Variants in ABR observed in about 807,000 individuals in gnomAD.
ABR encodes active breakpoint cluster region-related protein.
Under a neutral mutation model 107.2 loss-of-function variants are expected in ABR, and 35 were observed. That is an observed-to-expected ratio of 0.33 (90% CI 0.25 to 0.43). ABR has a LOEUF of 0.43. ABR is among the 20% of genes least tolerant of loss of function. The pLI is 1.00. For missense variants in ABR, 815 were observed against 1,115.2 expected (o/e 0.73, Z 3.83); for synonymous variants, 498 against 462.0 (o/e 1.08, Z -1.00).
At chr17:1,048,446 A>G (rs2031968473) in intron 16 of ABR, among the ~76,000 whole-genome samples, 1 of 152,270 alleles carries the variant, frequency 6.6e-6, no homozygotes, top group African/African-American at 2.4e-5. Context: ...GGTGGCCATG[A>G]CAATGCATCA....
intron 1 of ABR, among the ~76,000 whole-genome samples, chr17:1,158,623 C>T (rs1299861905): frequency 1.3e-5 from 2 of 151,620 alleles, no homozygotes; most frequent in Non-Finnish European, 2.9e-5. Context: ...ATTAGCCAGG[C>T]GTGATGGTGG....
rs2037122464 is a variant in ABR, at chr17:1,092,820, A to G, written c.346-970T>C. ...GGAAGGGCAGGGTGGCCAGAGGGAGAGCAGCCACGTCGAATTCTTTTTTTT... is the reference window on the plus strand; with the variant it reads ...GGAAGGGCAGGGTGGCCAGAGGGAGGGCAGCCACGTCGAATTCTTTTTTTT... On this transcript the variant is annotated intron_variant, in intron 3 of 22. Coordinates refer to ENST00000302538, the MANE Select transcript of ABR (RefSeq NM_021962.5). The surrounding 1 kb of genome is among the most constrained non-coding windows in gnomAD (Gnocchi z 4.6). Among the ~76,000 whole-genome samples the G allele has an allele frequency of 6.6e-6, 1 of 151,512 alleles. No individual in the cohort carries two copies. Among genetic ancestry groups the G allele is most frequent in the Non-Finnish European group, 1.5e-5 (1 of 67,902 alleles).
In ABR at chr17:1,011,772, C is replaced by T. The variant is rs113951486; in HGVS notation, c.2101+74G>A. The T allele has an allele frequency of 3.2e-4, 482 of 1,484,528 alleles. 1 individual carries two copies. Among genetic ancestry groups the T allele is most frequent in the South Asian group, 1.4e-3 (101 of 71,092 alleles). The allele number at this position is 1,484,528 out of a possible 1,614,324, so 92.0% of individuals were successfully genotyped here. On this transcript the variant is annotated intron_variant, in intron 19 of 22. Coordinates refer to ENST00000302538, the MANE Select transcript of ABR (RefSeq NM_021962.5). The surrounding 1 kb of genome is among the most constrained non-coding windows in gnomAD (Gnocchi z 4.8). ...TCTCCAGGGAGGCTCCTGGTTCCCC[C>T]GAGCTCTCCTGTCCATCCCACCAGC...
intron 21 of ABR, among the ~76,000 whole-genome samples, chr17:1,008,007 G>A (rs555412103): frequency 2.0e-5 from 3 of 152,272 alleles, no homozygotes; most frequent in Admixed American, 6.5e-5. Context: ...CGGAAAGGTC[G>A]GCCTCGTGGG....
At chr17:1,139,054 T>G (rs971301567) in intron 1 of ABR, among the ~76,000 whole-genome samples, 1 of 152,208 alleles carries the variant, frequency 6.6e-6, no homozygotes, top group African/African-American at 2.4e-5. Context: ...TCCAGACATT[T>G]GTAAACACAG....
At chr17:1,103,521 G>A (rs1193853063) in intron 2 of ABR, among the ~76,000 whole-genome samples, 3 of 152,156 alleles carry the variant, frequency 2.0e-5, no homozygotes, top group Non-Finnish European at 2.9e-5. Flanking sequence ...AGGATGGGGG[G>A]AAGAAAGGGA....
chr17:1,196,554 G>T (rs1402582464), intron 1 of ABR, among the ~76,000 whole-genome samples: 4 of 145,756 alleles, frequency 2.7e-5, no homozygotes, highest in African/African-American at 1.0e-4. Context: ...CTCCCTAAAT[G>T]TTGATGACTC....
chr17:1,199,248 A>C (rs1269324957), intron 1 of ABR, among the ~76,000 whole-genome samples: 1 of 150,926 alleles, frequency 6.6e-6, no homozygotes, highest in Non-Finnish European at 1.5e-5. Context: ...AAACAGAGGC[A>C]GTGAGCCAGG....
chr17:1,108,368 C>A (rs1456541469), intron 2 of ABR, among the ~76,000 whole-genome samples: 2 of 152,258 alleles, frequency 1.3e-5, no homozygotes, highest in South Asian at 4.1e-4. Flanking sequence ...AGCCCCAGAG[C>A]GGGTGGGCCA....
intron 2 of ABR, among the ~76,000 whole-genome samples, chr17:1,118,119 C>G (rs372992041): frequency 1.6e-5 from 1 of 64,262 alleles, no homozygotes; most frequent in Non-Finnish European, 3.3e-5. Context: ...CAGCGTTATC[C>G]CTGAGCCTGA....
intron 1 of ABR, among the ~76,000 whole-genome samples, chr17:1,178,366 C>T (rs2041985489): frequency 6.6e-6 from 1 of 151,990 alleles, no homozygotes; most frequent in African/African-American, 2.4e-5. Flanking sequence ...GAGTTTGAGA[C>T]CAGCCTGGCC....
At chr17:1,109,563 G>A (rs977484815) in intron 2 of ABR, among the ~76,000 whole-genome samples, 1 of 152,080 alleles carries the variant, frequency 6.6e-6, no homozygotes, top group Admixed American at 6.5e-5. Context: ...GGTGGAGCGG[G>A]GAGGCCGCTT....
intron 16 of ABR, among the ~76,000 whole-genome samples, chr17:1,014,820 T>G (rs1344722317): frequency 2.0e-5 from 3 of 151,730 alleles, no homozygotes; most frequent in African/African-American, 7.3e-5. Flanking sequence ...CACTCCAGCC[T>G]GGGCGACAGA....
chr17:1,071,621 G>A lies in ABR; in HGVS notation c.894+993C>T, dbSNP rs1029275904. Among the ~76,000 whole-genome samples, 3 of 152,186 alleles carry A rather than the reference G, an allele frequency of 2.0e-5. No homozygotes were observed. Among genetic ancestry groups the A allele is most frequent in the African/African-American group, 4.8e-5 (2 of 41,444 alleles). On this transcript the variant is annotated intron_variant, in intron 8 of 22. Coordinates refer to ENST00000302538, the MANE Select transcript of ABR (RefSeq NM_021962.5). This position sits in a 1 kb window ranked among gnomAD's most constrained non-coding sequence, Gnocchi z 5.1. ...CTGGACGGCCTCCACCACCTCCAACGCCAGCCTTTCCTGCTGTGGGCTCCC... is the reference window on the plus strand; with the variant it reads ...CTGGACGGCCTCCACCACCTCCAACACCAGCCTTTCCTGCTGTGGGCTCCC...
chr17:1,067,029 C>T (rs1239619829), intron 10 of ABR, 48 bp downstream of exon 10: 1 of 1,599,166 alleles, frequency 6.3e-7, no homozygotes. Flanking sequence ...CCTCCCCCAA[C>T]ACAGCTGGCT....
intron 16 of ABR, among the ~76,000 whole-genome samples, chr17:1,048,663 G>A (rs1270639392): frequency 8.5e-5 from 10 of 117,852 alleles, no homozygotes; most frequent in Admixed American, 2.9e-4. Flanking sequence ...GAAGCTCGGC[G>A]CCCAGCTGCC....
Position 1,067,434 on chromosome 17 carries a change from C to T in ABR, c.1017-192G>A, listed in dbSNP as rs1053050492. Among the ~76,000 whole-genome samples, 4 of 152,326 alleles carry T rather than the reference C, an allele frequency of 2.6e-5. No individual in the cohort carries two copies. The East Asian group carries it at 5.8e-4, about 22-fold the overall frequency. On this transcript the variant is annotated intron_variant, in intron 9 of 22. Coordinates refer to ENST00000302538, the MANE Select transcript of ABR (RefSeq NM_021962.5). ...GTGATGAAAGCTGGGTTCTGGGGTC[C>T]GCCCCGCCCGCAGGGAGCAACTCCG...
Position 1,051,717 on chromosome 17 carries a change from C to T in ABR, c.1562-1083G>A, listed in dbSNP as rs1370121356. Among the ~76,000 whole-genome samples, 2 of 152,188 alleles carry T rather than the reference C, an allele frequency of 1.3e-5. No homozygotes were observed. Among genetic ancestry groups the T allele is most frequent in the Non-Finnish European group, 2.9e-5 (2 of 68,018 alleles). ...CGTCAGAGGTCACAGTGCGGGCATA[C>T]AGTGCAGGTGGCTTACTCCACTTAG... On this transcript the variant is annotated intron_variant, in intron 14 of 22. Transcript: ENST00000302538. This position sits in a 1 kb window ranked among gnomAD's most constrained non-coding sequence, Gnocchi z 4.3.
intron 2 of ABR, 137 bp downstream of exon 2, chr17:1,125,046 G>A (rs527515872): frequency 1.8e-5 from 15 of 851,656 alleles, no homozygotes; most frequent in Admixed American, 3.0e-5. Context: ...ACGAGATGAC[G>A]AGGCACCAAG....
Sources: allele counts gnomAD v4.1 joint callset (sites outside exome capture counted in the v4.1 genomes callset), GRCh38; gene constraint gnomAD v4.1.1; non-coding constraint Gnocchi (gnomAD v3.1); transcripts MANE v1.5; gene names NCBI Gene and HGNC (gene_info 2026-07-23, HGNC 2026-07-21).